Variants in CAMTA1 observed in about 807,000 individuals in gnomAD.
CAMTA1 encodes the protein calmodulin binding transcription activator 1.
Under a neutral mutation model 170.9 loss-of-function variants are expected in CAMTA1, and 27 were observed. The observed-to-expected ratio is 0.16, with a 90% CI of 0.12 to 0.22. The LOEUF (loss-of-function observed/expected upper bound fraction) is 0.22. CAMTA1 is among the 10% of genes least tolerant of loss of function. CAMTA1 has a pLI of 1.00. For synonymous variants in CAMTA1, 833 were observed against 891.5 expected, an observed-to-expected ratio of 0.93 and a Z score of 1.17; for missense variants, 1,619 against 2,217.2, an observed-to-expected ratio of 0.73 and a Z score of 5.42.
At chr1:7,638,491 A>C (rs2095733163) in intron 6 of CAMTA1, among the ~76,000 whole-genome samples, 1 of 152,050 alleles carries the variant, frequency 6.6e-6, no homozygotes, top group Non-Finnish European at 1.5e-5. Context: ...AAATACAAAA[A>C]TTAGCCGGGC....
intron 7 of CAMTA1, among the ~76,000 whole-genome samples, chr1:7,655,673 ACT>A (rs1362266348): frequency 1.3e-5 from 2 of 150,918 alleles, no homozygotes; most frequent in African/African-American, 4.9e-5. Flanking sequence ...ATGCACACAC[ACT>A]GATACACACC....
intron 4 of CAMTA1, among the ~76,000 whole-genome samples, chr1:7,232,181 G>A (rs762486868): frequency 6.6e-6 from 1 of 152,206 alleles, no homozygotes; most frequent in African/African-American, 2.4e-5. Flanking sequence ...TGTGGCTGGG[G>A]GACACCACGT....
At chr1:7,627,293 A>G (rs765095731) in intron 6 of CAMTA1, among the ~76,000 whole-genome samples, 46 of 152,178 alleles carry the variant, frequency 3.0e-4, no homozygotes, top group Non-Finnish European at 5.9e-4. Flanking sequence ...CTTTACCTAG[A>G]TGGGCTCCTA....
At chr1:7,393,086 A>G (rs534141775) in intron 5 of CAMTA1, among the ~76,000 whole-genome samples, 4 of 151,802 alleles carry the variant, frequency 2.6e-5, no homozygotes, top group Non-Finnish European at 4.4e-5. Context: ...GTTGCTCCAC[A>G]TCCTTGCCAG....
chr1:7,614,551 G>A (rs778953264), intron 6 of CAMTA1, among the ~76,000 whole-genome samples: 1 of 152,136 alleles, frequency 6.6e-6, no homozygotes, highest in South Asian at 2.1e-4. Flanking sequence ...CCCCATTGGC[G>A]CTGACACGCT....
At chr1:7,499,376 TATGAGTGTGTGTGTGCATGTGTGTAC>T (rs2093926172) in intron 6 of CAMTA1, among the ~76,000 whole-genome samples, 3 of 141,738 alleles carry the variant, frequency 2.1e-5, no homozygotes, top group Non-Finnish European at 4.7e-5. Flanking sequence ...TGTGTATGTA[TATGAGTGTGTGTGTGCATGTGTGTAC>T]ATGAGTGTGT....
At chr1:6,801,056 G>C (rs1643741439) in intron 1 of CAMTA1, among the ~76,000 whole-genome samples, 1 of 152,152 alleles carries the variant, frequency 6.6e-6, no homozygotes, top group African/African-American at 2.4e-5. Flanking sequence ...AAGTTAGAAG[G>C]GTGGAGAGTG....
intron 5 of CAMTA1, among the ~76,000 whole-genome samples, chr1:7,354,391 C>T (rs951694050): frequency 2.0e-5 from 3 of 151,952 alleles, no homozygotes; most frequent in East Asian, 3.9e-4. Flanking sequence ...CCTCGTGATC[C>T]GCCCGCCTCG....
chr1:6,848,292 G>A (rs560211547), intron 3 of CAMTA1, among the ~76,000 whole-genome samples: 1 of 152,112 alleles, frequency 6.6e-6, no homozygotes, highest in African/African-American at 2.4e-5. Context: ...GAGACCACAG[G>A]GGTGCACCAC....
intron 5 of CAMTA1, among the ~76,000 whole-genome samples, chr1:7,272,505 C>T (rs1669945567): frequency 6.6e-6 from 1 of 151,702 alleles, no homozygotes; most frequent in African/African-American, 2.4e-5. Flanking sequence ...TACTGTAAAG[C>T]TATGGTAATC....
At chr1:7,280,574 C>G (rs1382508237) in intron 5 of CAMTA1, among the ~76,000 whole-genome samples, 1 of 152,202 alleles carries the variant, frequency 6.6e-6, no homozygotes, top group Non-Finnish European at 1.5e-5. Context: ...GGAGAGGCAG[C>G]ATTATAATTG....
At chr1:6,899,870 G>A (rs1205268191) in intron 3 of CAMTA1, among the ~76,000 whole-genome samples, 2 of 152,210 alleles carry the variant, frequency 1.3e-5, no homozygotes, top group African/African-American at 4.8e-5. Flanking sequence ...TTTAGTAATT[G>A]AGCCATAAAC....
At chr1:7,301,993 C>T (rs143357140) in intron 5 of CAMTA1, among the ~76,000 whole-genome samples, 12 of 152,286 alleles carry the variant, frequency 7.9e-5, no homozygotes, top group East Asian at 1.9e-4. Context: ...TTCCAGGACT[C>T]GTTCTGGCTC....
Position 7,609,986 on chromosome 1 carries a change from C to T in CAMTA1, c.511-30414C>T, listed in dbSNP as rs1218964320. Reference sequence around the variant, plus strand: ...TCTTTACCTGAAATACAGCACCTGCCGGGTCTGTCCACACTGTGTGTGCAC... The same window carrying T: ...TCTTTACCTGAAATACAGCACCTGCTGGGTCTGTCCACACTGTGTGTGCAC... On this transcript the variant is annotated intron_variant, in intron 6 of 22. Coordinates refer to ENST00000303635, the MANE Select transcript of CAMTA1 (RefSeq NM_015215.4). This position sits in a 1 kb window ranked among gnomAD's most constrained non-coding sequence, Gnocchi z 4.4. Among the ~76,000 whole-genome samples, 4 of 152,182 alleles carry T rather than the reference C, an allele frequency of 2.6e-5. No individual in the cohort carries two copies. Among genetic ancestry groups the T allele is most frequent in the African/African-American group, 4.8e-5 (2 of 41,444 alleles).
chr1:7,474,721 G>A (rs767571717), intron 6 of CAMTA1, among the ~76,000 whole-genome samples: 2 of 152,188 alleles, frequency 1.3e-5, no homozygotes, highest in South Asian at 2.1e-4. Flanking sequence ...TCTGCAGCCC[G>A]GACAGAGAAG....
At chr1:6,828,055 G>C (rs1056614414) in intron 3 of CAMTA1, among the ~76,000 whole-genome samples, 3 of 152,088 alleles carry the variant, frequency 2.0e-5, no homozygotes, top group African/African-American at 7.2e-5. Context: ...AAGACTGGTG[G>C]CTCGAGCTGC....
chr1:7,714,470 T>C (rs184337588), intron 11 of CAMTA1, among the ~76,000 whole-genome samples: 25 of 152,312 alleles, frequency 1.6e-4, no homozygotes, highest in Admixed American at 1.4e-3. Context: ...AAACAGTCAC[T>C]TGAAACCTAG....
chr1:7,106,747 CATTTCA>C (rs1643628308), intron 4 of CAMTA1, among the ~76,000 whole-genome samples: 4 of 152,044 alleles, frequency 2.6e-5, no homozygotes, highest in African/African-American at 9.7e-5. Flanking sequence ...GGTAGGCCTT[CATTTCA>C]GAGGAGAGCA....
intron 3 of CAMTA1, among the ~76,000 whole-genome samples, chr1:6,906,387 C>G (rs1020775113): frequency 8.5e-5 from 13 of 152,300 alleles, no homozygotes; most frequent in Non-Finnish European, 1.5e-5. Flanking sequence ...CTCTGCTTTT[C>G]CTTCCTCACT....
Sources: allele counts gnomAD v4.1 joint callset (sites outside exome capture counted in the v4.1 genomes callset), GRCh38; gene constraint gnomAD v4.1.1; non-coding constraint Gnocchi (gnomAD v3.1); transcripts MANE v1.5; gene names NCBI Gene and HGNC (gene_info 2026-07-23, HGNC 2026-07-21).